MTMR9: variants seen among roughly 807,000 people sequenced by gnomAD.
MTMR9 encodes the protein myotubularin related protein 9.
MTMR9 carries 39 observed loss-of-function variants against 69.5 expected under a neutral mutation model. That is an observed-to-expected ratio of 0.56 (90% CI 0.43 to 0.73). MTMR9 has a LOEUF of 0.73. Ranked by LOEUF, MTMR9 falls within the 30% of genes least tolerant of loss-of-function variation. The probability of loss-of-function intolerance (pLI) is 0.00; values close to 1 mark genes in which losing one functional copy is unlikely to be tolerated. For missense variants in MTMR9, 900 were observed against 671.2 expected (o/e 1.34, Z -3.77); for synonymous variants, 354 against 240.8 (o/e 1.47, Z -4.35).
chr8:11,313,049 C>G (rs1800266944), intron 6 of MTMR9, among the ~76,000 whole-genome samples: 1 of 152,216 alleles, frequency 6.6e-6, no homozygotes, highest in Admixed American at 6.5e-5. Context: ...TTATAGAGCA[C>G]AGGCAGAGTA....
chr8:11,306,440 T>C (rs772282981), intron 5 of MTMR9, 33 bp downstream of exon 5: 3 of 1,589,716 alleles, frequency 1.9e-6, no homozygotes, highest in Admixed American at 3.4e-5. Flanking sequence ...CAGACTCTTA[T>C]TAGAAGCTAA....
intron 6 of MTMR9, among the ~76,000 whole-genome samples, chr8:11,310,623 C>T (rs542047745): frequency 6.6e-6 from 1 of 152,050 alleles, no homozygotes; most frequent in Admixed American, 6.5e-5. Flanking sequence ...AGCCCATTTA[C>T]CTAATAAACT....
chr8:11,320,904 C>G (rs1213892243), intron 9 of MTMR9: 1 of 152,810 alleles, frequency 6.5e-6, no homozygotes, highest in African/African-American at 2.4e-5. Context: ...AGAATGGTAG[C>G]TGTTTGTTAA....
intron 1 of MTMR9, among the ~76,000 whole-genome samples, chr8:11,286,371 A>T (rs1799155189): frequency 6.6e-6 from 1 of 151,670 alleles, no homozygotes. Context: ...TTGCTGTATA[A>T]AGTCTTCAGT....
At chr8:11,318,734 G>T (rs1800532506) in intron 8 of MTMR9, 1 of 152,112 alleles carries the variant, frequency 6.6e-6, no homozygotes, top group Non-Finnish European at 1.5e-5. Context: ...ATTGTATGTG[G>T]ATATAGATTA....
intron 6 of MTMR9, among the ~76,000 whole-genome samples, chr8:11,312,253 T>C (rs1488831781): frequency 6.6e-6 from 1 of 152,072 alleles, no homozygotes; most frequent in African/African-American, 2.4e-5. Context: ...TTTCTGTTTA[T>C]TGCCCGGTCT....
chr8:11,329,620 A>G (rs181754036), downstream of MTMR9, among the ~76,000 whole-genome samples: 14 of 152,296 alleles, frequency 9.2e-5, no homozygotes, highest in Admixed American at 2.6e-4. Context: ...TCAGTGCTCA[A>G]TGTTGCCCAG....
the MTMR9 span, among the ~76,000 whole-genome samples, chr8:11,339,231 C>G: frequency 6.6e-6 from 1 of 152,240 alleles, no homozygotes; most frequent in Non-Finnish European, 1.5e-5. Context: ...AATCAAACAG[C>G]TGCTAGGCCC....
chr8:11,319,004 G>A (rs984134140), intron 8 of MTMR9: 1 of 151,976 alleles, frequency 6.6e-6, no homozygotes, highest in African/African-American at 2.4e-5. Flanking sequence ...CTCGGATGAT[G>A]GGTGCACCAG....
At chr8:11,315,703 T>G (rs776017847) in intron 7 of MTMR9, among the ~76,000 whole-genome samples, 1 of 152,356 alleles carries the variant, frequency 6.6e-6, no homozygotes, top group African/African-American at 2.4e-5. Context: ...TATCATGCAC[T>G]AATGCTGTTA....
chr8:11,288,575 A>C (rs1799274781), intron 1 of MTMR9, among the ~76,000 whole-genome samples: 1 of 151,978 alleles, frequency 6.6e-6, no homozygotes, highest in Admixed American at 6.6e-5. Context: ...AAGACTTGAG[A>C]TGGGGAACAT....
chr8:11,331,085 A>G, downstream of MTMR9: 1 of 1,575,096 alleles, frequency 6.3e-7, no homozygotes, highest in South Asian at 1.2e-5. Context: ...AGCCAGGAGG[A>G]GAGGAGAAAG....
chr8:11,320,426 A>G (rs1416476369), intron 9 of MTMR9: 1 of 152,212 alleles, frequency 6.6e-6, no homozygotes, highest in Non-Finnish European at 1.5e-5. Context: ...AAGCTTATTA[A>G]TTAAAACATA....
At chr8:11,308,854 C>G (rs1033311268) in intron 5 of MTMR9, among the ~76,000 whole-genome samples, 5 of 152,152 alleles carry the variant, frequency 3.3e-5, no homozygotes, top group Non-Finnish European at 7.3e-5. Context: ...CTGCAGGAGT[C>G]CCTTTCACTA....
intron 7 of MTMR9, chr8:11,316,252 C>T (rs1800409813): frequency 6.5e-6 from 1 of 153,052 alleles, no homozygotes; most frequent in African/African-American, 2.4e-5. Flanking sequence ...TAGGGTGAGG[C>T]TTGTTTAGTG....
chr8:11,305,985 A>C (rs1224783248), intron 4 of MTMR9, among the ~76,000 whole-genome samples: 1 of 152,232 alleles, frequency 6.6e-6, no homozygotes, highest in Non-Finnish European at 1.5e-5. Context: ...TGAGACAGAG[A>C]AATTGTGTAA....
intron 3 of MTMR9, among the ~76,000 whole-genome samples, chr8:11,302,019 G>C (rs1424917678): frequency 6.6e-6 from 1 of 152,068 alleles, no homozygotes; most frequent in South Asian, 2.1e-4. Context: ...CACTTAAGGA[G>C]GCTGAGGCAG....
chr8:11,336,667 A>G, the MTMR9 span, among the ~76,000 whole-genome samples: 1 of 152,204 alleles, frequency 6.6e-6, no homozygotes, highest in South Asian at 2.1e-4. Context: ...GTTATTTGGA[A>G]TATTTCTGCT....
Position 11,304,849 on chromosome 8 carries a change from A to G in MTMR9, c.426A>G (p.Glu142=), listed in dbSNP as rs1799880357. 6.2e-7 allele frequency: 1 copy of G among 1,613,832 alleles called. No homozygotes were observed. Among genetic ancestry groups the G allele is most frequent in the Non-Finnish European group, 8.5e-7 (1 of 1,179,836 alleles). Residue 142 remains glutamate, a synonymous_variant, in exon 4 of 10, where the codon GAA becomes GAG. Transcript: ENST00000221086. ...EFELYSSATS[E]WRLSYVNKEF... ...TATTTTGTGTTTTTCAGACCAGTGAATGGAGGCTAAGCTATGTCAATAAGG... is the reference window on the plus strand; with the variant it reads ...TATTTTGTGTTTTTCAGACCAGTGAGTGGAGGCTAAGCTATGTCAATAAGG...
Sources: gnomAD v4.1 joint callset for allele counts (sites outside exome capture counted in the v4.1 genomes callset) on GRCh38, gnomAD v4.1.1 for gene constraint, MANE v1.5 for transcripts, NCBI Gene and HGNC (gene_info 2026-07-23, HGNC 2026-07-21) for gene names.